Variants in PPARA observed in about 807,000 individuals in gnomAD.
PPARA encodes the protein peroxisome proliferator activated receptor alpha.
PPARA carries 22 observed loss-of-function variants against 42.2 expected under a neutral mutation model. The ratio of observed to expected loss-of-function variants is 0.52; its 90% CI spans 0.37 to 0.74. PPARA has a LOEUF of 0.74. Ranked by LOEUF, PPARA falls within the 30% of genes least tolerant of loss-of-function variation. The pLI is 0.00. For synonymous variants in PPARA, 242 were observed against 239.3 expected, an observed-to-expected ratio of 1.01 and a Z score of -0.10; for missense variants, 465 against 608.2, an observed-to-expected ratio of 0.76 and a Z score of 2.48.
chr22:46,194,653 C>T (rs1427915967), intron 3 of PPARA, among the ~76,000 whole-genome samples: 1 of 146,634 alleles, frequency 6.8e-6, no homozygotes, highest in African/African-American at 2.5e-5. Flanking sequence ...CTCATTGCAA[C>T]TTCTACCTCC....
rs531861015 is a variant in PPARA at position 46,195,335 on chromosome 22, G to GA, written c.-42-2999dup. On this transcript the variant is annotated intron_variant, in intron 3 of 8. Coordinates refer to ENST00000407236, the MANE Select transcript of PPARA (RefSeq NM_005036.6). The surrounding 1 kb of genome is among the most constrained non-coding windows in gnomAD (Gnocchi z 4.6). Reference sequence around the variant, plus strand: ...TACCCCATTATGTTTCTTGTCATTTGAAAAAAAATCTCCCTTCAGACAGAA... The same window carrying GA: ...TACCCCATTATGTTTCTTGTCATTTGAAAAAAAAATCTCCCTTCAGACAGAA... 9.2e-5 allele frequency among the ~76,000 whole-genome samples: 14 copies of GA among 151,942 alleles called. No homozygotes were observed. The highest frequency in any genetic ancestry group is 5.8e-4 in the East Asian group (3 of 5,182).
intron 6 of PPARA, among the ~76,000 whole-genome samples, chr22:46,218,983 A>G (rs1165702555): frequency 2.0e-5 from 3 of 151,586 alleles, no homozygotes; most frequent in Non-Finnish European, 4.4e-5. Context: ...CGAACATGGC[A>G]AAACCCCGTC....
intron 3 of PPARA, among the ~76,000 whole-genome samples, chr22:46,179,752 A>G (rs1929685837): frequency 6.6e-6 from 1 of 152,224 alleles, no homozygotes; most frequent in African/African-American, 2.4e-5. Flanking sequence ...TGTTCAAAAG[A>G]CAGTTTTAGG....
chr22:46,210,705 A>G lies in PPARA; in HGVS notation c.209-4468A>G, dbSNP rs775354003. On this transcript the variant is annotated intron_variant, in intron 4 of 8. Coordinates refer to ENST00000407236, the MANE Select transcript of PPARA (RefSeq NM_005036.6). ...GTGATCCGCCCACCTCGGCCTCCCAAAGTGCTAGGATTACAGGCATGAGCC... is the reference window on the plus strand; with the variant it reads ...GTGATCCGCCCACCTCGGCCTCCCAGAGTGCTAGGATTACAGGCATGAGCC... 2.0e-5 allele frequency among the ~76,000 whole-genome samples: 3 copies of G among 152,204 alleles called. No individual in the cohort carries two copies. The East Asian group carries it at 5.8e-4, about 29-fold the overall frequency.
Position 46,160,533 on chromosome 22 carries a change from T to G in PPARA, c.-127+8563T>G, listed in dbSNP as rs1926007084. ...GGCTGGTCTCAAACTCCCGGCCTCA[T>G]GATCCGCCCTCTGCAGCCTCCCAAA... On this transcript the variant is annotated intron_variant, in intron 2 of 8. Transcript: ENST00000407236. The surrounding 1 kb of genome is among the most constrained non-coding windows in gnomAD (Gnocchi z 4.5). Among the ~76,000 whole-genome samples the G allele has an allele frequency of 6.6e-6, 1 of 152,176 alleles. No individual in the cohort carries two copies. Among genetic ancestry groups the G allele is most frequent in the Admixed American group, 6.5e-5 (1 of 15,276 alleles).
At position 46,230,086 on chromosome 22, in the gene PPARA, T is replaced by C. The variant is rs1465909055; in HGVS notation, c.712-1706T>C. On this transcript the variant is annotated intron_variant, in intron 7 of 8. Transcript: ENST00000407236. This position sits in a 1 kb window ranked among gnomAD's most constrained non-coding sequence, Gnocchi z 5.0. ...TTCCAGCAGTGATTAGAAATAACGC[T>C]GTAGGCCGGGCGCGGTGGCTCACCC... Among the ~76,000 whole-genome samples the C allele has an allele frequency of 6.6e-6, 1 of 152,178 alleles. No individual in the cohort carries two copies. The highest frequency in any genetic ancestry group is 1.9e-4 in the East Asian group (1 of 5,186).
In PPARA at chr22:46,184,235, A is replaced by T. The variant is rs1045145263; in HGVS notation, c.-43+7399A>T. ...TAATATTGCAGTGCAAATTAAACAC[A>T]AGCAACCTGCAACACGCCACTGCAA... On this transcript the variant is annotated intron_variant, in intron 3 of 8. Transcript: ENST00000407236. This position sits in a 1 kb window ranked among gnomAD's most constrained non-coding sequence, Gnocchi z 4.4. 6.6e-6 allele frequency among the ~76,000 whole-genome samples: 1 copy of T among 152,188 alleles called. No homozygotes were observed. The highest frequency in any genetic ancestry group is 1.5e-5 in the Non-Finnish European group (1 of 68,030).
At chr22:46,206,853 A>G (rs1933360023) in intron 4 of PPARA, among the ~76,000 whole-genome samples, 1 of 152,158 alleles carries the variant, frequency 6.6e-6, no homozygotes, top group Admixed American at 6.6e-5. Flanking sequence ...TATCTATAAT[A>G]TGGCTCTACT....
chr22:46,231,615 C>T lies in PPARA; in HGVS notation c.712-177C>T, dbSNP rs1020622250. Among the ~76,000 whole-genome samples, 1 of 152,158 alleles carries T rather than the reference C, an allele frequency of 6.6e-6. No homozygotes were observed. The highest frequency in any genetic ancestry group is 6.6e-5 in the Admixed American group (1 of 15,266). ...TATACTGTTTGTTCTCTATTAATGT[C>T]TTATTTTCCCCAACCGATTTTGAAG... On this transcript the variant is annotated intron_variant, in intron 7 of 8. Transcript: ENST00000407236. The surrounding 1 kb of genome is among the most constrained non-coding windows in gnomAD (Gnocchi z 7.7).
At chr22:46,229,426 G>A (rs1030874266) in intron 7 of PPARA, among the ~76,000 whole-genome samples, 3 of 152,018 alleles carry the variant, frequency 2.0e-5, no homozygotes, top group African/African-American at 4.8e-5. Flanking sequence ...GGTGATGTGT[G>A]CTTGTAATCC....
intron 7 of PPARA, 64 bp downstream of exon 7, chr22:46,220,078 T>C (rs759779967): frequency 2.0e-6 from 3 of 1,536,902 alleles, no homozygotes; most frequent in Non-Finnish European, 2.7e-6. Flanking sequence ...AGAGGACGAT[T>C]AAGGACACAT....
chr22:46,174,249 A>AAGGAAGGAGG (rs1928615513), intron 2 of PPARA, among the ~76,000 whole-genome samples: 1 of 11,880 alleles, frequency 8.4e-5, no homozygotes, highest in African/African-American at 1.2e-4. Context: ...AAAGAAAGAA[A>AAGGAAGGAGG]GAAGGAAGGA....
Position 46,165,492 on chromosome 22 carries a change from G to C in PPARA, c.-126-11261G>C, listed in dbSNP as rs1376323364. ...GAGAAGATGGAAACTTGATGTTTGG[G>C]GCCATTGTGTCCCTGGGGTGTTGGC... On this transcript the variant is annotated intron_variant, in intron 2 of 8. Transcript: ENST00000407236. This position sits in a 1 kb window ranked among gnomAD's most constrained non-coding sequence, Gnocchi z 5.5. The C allele has an allele frequency of 1.3e-5, 2 of 152,246 alleles. No individual in the cohort carries two copies. Among genetic ancestry groups the C allele is most frequent in the Non-Finnish European group, 2.9e-5 (2 of 68,090 alleles). The allele number at this position is 152,246 out of a possible 1,614,324, so 9.4% of individuals were successfully genotyped here. A position where few individuals can be genotyped will look rare whatever the true frequency, so the allele number is the denominator to read the frequency against.
chr22:46,197,162 G>A (rs938387982), intron 3 of PPARA, among the ~76,000 whole-genome samples: 4 of 151,924 alleles, frequency 2.6e-5, no homozygotes, highest in Admixed American at 6.6e-5. Flanking sequence ...TGATTCTCCT[G>A]CCTCAGCCTC....
In PPARA at chr22:46,227,461, G is replaced by A. The variant is rs898565159; in HGVS notation, c.712-4331G>A. Among the ~76,000 whole-genome samples, 14 of 152,128 alleles carry A rather than the reference G, an allele frequency of 9.2e-5. No homozygotes were observed. Among genetic ancestry groups the A allele is most frequent in the Admixed American group, 6.5e-4 (10 of 15,270 alleles). ...GACACGGGCTTTTGCCATGTTGGCC[G>A]GGCTGGTCTCGAAATCCTGACCTCA... On this transcript the variant is annotated intron_variant, in intron 7 of 8. Transcript: ENST00000407236. The surrounding 1 kb of genome is among the most constrained non-coding windows in gnomAD (Gnocchi z 4.3).
In PPARA at chr22:46,187,623, G is replaced by A. The variant is rs554646982; in HGVS notation, c.-42-10719G>A. Among the ~76,000 whole-genome samples the A allele has an allele frequency of 1.1e-4, 17 of 152,214 alleles. No individual in the cohort carries two copies. The highest frequency in any genetic ancestry group is 3.4e-4 in the African/African-American group (14 of 41,530). On this transcript the variant is annotated intron_variant, in intron 3 of 8. Coordinates refer to ENST00000407236, the MANE Select transcript of PPARA (RefSeq NM_005036.6). The surrounding 1 kb of genome is among the most constrained non-coding windows in gnomAD (Gnocchi z 4.9). The stretch of plus-strand genomic sequence containing the variant: ...ACAATCCTGATACAAATCTGATCAC[G>A]TCACACTTCCCTTCAATAGTCTTCC...
intron 3 of PPARA, among the ~76,000 whole-genome samples, chr22:46,186,342 G>A (rs1930800646): frequency 6.6e-6 from 1 of 152,052 alleles, no homozygotes; most frequent in African/African-American, 2.4e-5. Flanking sequence ...GTTCAGCTCA[G>A]TTTATTCAAG....
chr22:46,234,855 C>A lies in PPARA; in HGVS notation c.1160-278C>A, dbSNP rs984191851. 1.3e-5 allele frequency among the ~76,000 whole-genome samples: 2 copies of A among 152,152 alleles called. No homozygotes were observed. The highest frequency in any genetic ancestry group is 4.8e-5 in the African/African-American group (2 of 41,436). ...TGACAGGTGGTCATCAGGTAAATCA[C>A]AAGTGAAAAGGCCGCACCATAAGGT... is the stretch of plus-strand genomic sequence containing the variant. On this transcript the variant is annotated intron_variant, in intron 8 of 8. Coordinates refer to ENST00000407236, the MANE Select transcript of PPARA (RefSeq NM_005036.6). This position sits in a 1 kb window ranked among gnomAD's most constrained non-coding sequence, Gnocchi z 5.8.
Position 46,154,132 on chromosome 22 carries a change from A to G in PPARA, c.-127+2162A>G, listed in dbSNP as rs191343190. Among the ~76,000 whole-genome samples the G allele has an allele frequency of 5.9e-5, 9 of 152,346 alleles. No homozygotes were observed. In the East Asian group the frequency reaches 1.5e-3, roughly 26 times the overall value. On this transcript the variant is annotated intron_variant, in intron 2 of 8. Coordinates refer to ENST00000407236, the MANE Select transcript of PPARA (RefSeq NM_005036.6). Reference sequence around the variant, plus strand: ...GTAGCTGCTGTGGGCTACTGTCCGCAGTGCTGAACAAGACAAGCATGAATC... The same window carrying G: ...GTAGCTGCTGTGGGCTACTGTCCGCGGTGCTGAACAAGACAAGCATGAATC...
Sources: gnomAD v4.1 joint callset for allele counts (sites outside exome capture counted in the v4.1 genomes callset) on GRCh38, gnomAD v4.1.1 for gene constraint, Gnocchi (gnomAD v3.1) non-coding constraint, MANE v1.5 for transcripts, NCBI Gene and HGNC (gene_info 2026-07-23, HGNC 2026-07-21) for gene names.